Variants in LGSN observed in about 807,000 individuals in gnomAD.
LGSN encodes the protein lengsin, lens protein with glutamine synthetase domain.
Under a neutral mutation model 19.5 loss-of-function variants are expected in LGSN, and 21 were observed. The observed-to-expected ratio is 1.07, with a 90% CI of 0.76 to 1.55. The LOEUF is 1.55. Among genes scored for constraint, LGSN ranks in the 40% most tolerant of loss-of-function variants. The pLI, the probability that LGSN is intolerant of heterozygous loss-of-function variation, is 0.00. For missense variants in LGSN, 673 were observed against 608.5 expected, an observed-to-expected ratio of 1.11 and a Z score of -1.12; for synonymous variants, 257 against 215.6, an observed-to-expected ratio of 1.19 and a Z score of -1.68.
the LGSN span, among the ~76,000 whole-genome samples, chr6:63,333,565 GGA>G: frequency 5.8e-5 from 8 of 137,728 alleles, no homozygotes; most frequent in South Asian, 2.5e-4. Context: ...AAGGAAGGAA[GGA>G]GAGAGAGAGA....
the LGSN span, among the ~76,000 whole-genome samples, chr6:63,409,404 T>C: frequency 2.0e-4 from 31 of 152,232 alleles, no homozygotes; most frequent in Non-Finnish European, 3.5e-4. Flanking sequence ...TCAAGTATTT[T>C]AAGAAATTTT....
At chr6:63,355,358 T>C in the LGSN span, among the ~76,000 whole-genome samples, 24 of 152,348 alleles carry the variant, frequency 1.6e-4, no homozygotes, top group African/African-American at 5.1e-4. Flanking sequence ...GAAGAAAATG[T>C]ACTTTGTCTC....
the LGSN span, among the ~76,000 whole-genome samples, chr6:63,358,263 GCA>G: frequency 6.6e-6 from 1 of 152,226 alleles, no homozygotes; most frequent in African/African-American, 2.4e-5. Context: ...AAGTCAGGTA[GCA>G]TGATGCCTCC....
chr6:63,492,035 A>G, the LGSN span, among the ~76,000 whole-genome samples: 80,112 of 150,688 alleles, frequency 0.53, 23,003 homozygotes, highest in African/African-American at 0.76. Context: ...ATCTCAAAAA[A>G]AAAAAAAAAA....
At chr6:63,336,349 C>G in the LGSN span, among the ~76,000 whole-genome samples, 1 of 151,876 alleles carries the variant, frequency 6.6e-6, no homozygotes, top group Admixed American at 6.6e-5. Flanking sequence ...CACATGTAGC[C>G]TATAAATATG....
At chr6:63,450,193 C>CA in the LGSN span, among the ~76,000 whole-genome samples, 696 of 94,732 alleles carry the variant, frequency 7.3e-3, 12 homozygotes, top group Middle Eastern at 0.031. Context: ...CTAAAAAATG[C>CA]AAAAAAAAAA....
the LGSN span, among the ~76,000 whole-genome samples, chr6:63,434,163 G>C: frequency 5.3e-5 from 8 of 152,168 alleles, no homozygotes; most frequent in Non-Finnish European, 1.0e-4. Flanking sequence ...ACCTGGCTGG[G>C]CGCAGTGGCT....
intron 1 of LGSN, among the ~76,000 whole-genome samples, chr6:63,304,395 C>G (rs1768299416): frequency 1.3e-5 from 2 of 152,162 alleles, no homozygotes; most frequent in Admixed American, 1.3e-4. Flanking sequence ...GGCTGTGCAG[C>G]AGACTTCTTT....
the LGSN span, among the ~76,000 whole-genome samples, chr6:63,516,024 C>A: frequency 6.6e-6 from 1 of 152,060 alleles, no homozygotes; most frequent in East Asian, 1.9e-4. Context: ...TGGATTTTTC[C>A]TACAGTAAAT....
the LGSN span, among the ~76,000 whole-genome samples, chr6:63,493,925 G>A: frequency 6.6e-6 from 1 of 150,826 alleles, no homozygotes; most frequent in African/African-American, 2.4e-5. Flanking sequence ...GGTGCCCTTG[G>A]AACAGAAAGA....
the LGSN span, among the ~76,000 whole-genome samples, chr6:63,418,543 G>A: frequency 6.6e-6 from 1 of 151,936 alleles, no homozygotes; most frequent in Non-Finnish European, 1.5e-5. Flanking sequence ...CCTGGCGACA[G>A]AGCGAGACTC....
the LGSN span, among the ~76,000 whole-genome samples, chr6:63,511,605 G>C: frequency 2.0e-5 from 3 of 151,942 alleles, no homozygotes; most frequent in Admixed American, 2.0e-4. Context: ...TCATTACCTG[G>C]GCATTTTTAA....
the LGSN span, among the ~76,000 whole-genome samples, chr6:63,467,587 G>A: frequency 2.7e-4 from 41 of 152,288 alleles, no homozygotes; most frequent in African/African-American, 8.9e-4. Flanking sequence ...GCACATGGAC[G>A]TTTCTCTGTG....
the LGSN span, among the ~76,000 whole-genome samples, chr6:63,410,500 A>G: frequency 1.3e-5 from 2 of 152,222 alleles, no homozygotes; most frequent in African/African-American, 4.8e-5. Context: ...TCTTATTCAG[A>G]TCAATATATA....
the LGSN span, among the ~76,000 whole-genome samples, chr6:63,435,513 C>T: frequency 6.6e-6 from 1 of 151,974 alleles, no homozygotes; most frequent in Admixed American, 6.6e-5. Flanking sequence ...CCACCTTTGC[C>T]CCTCACCCAC....
At chr6:63,532,045 C>G in the LGSN span, among the ~76,000 whole-genome samples, 1 of 152,158 alleles carries the variant, frequency 6.6e-6, no homozygotes, top group African/African-American at 2.4e-5. Flanking sequence ...GTGATACACC[C>G]ACCTCGGCCT....
At chr6:63,393,673 G>T in the LGSN span, among the ~76,000 whole-genome samples, 1 of 152,086 alleles carries the variant, frequency 6.6e-6, no homozygotes, top group Non-Finnish European at 1.5e-5. Flanking sequence ...TATAAAATCT[G>T]GCCCATCCAC....
At chr6:63,561,050 C>T in the LGSN span, among the ~76,000 whole-genome samples, 11 of 152,092 alleles carry the variant, frequency 7.2e-5, no homozygotes, top group African/African-American at 1.4e-4. Context: ...GATCAGAACA[C>T]GTAGGAAGCC....
the LGSN span, among the ~76,000 whole-genome samples, chr6:63,535,683 T>C: frequency 1.8e-4 from 27 of 152,178 alleles, no homozygotes; most frequent in African/African-American, 6.3e-4. Flanking sequence ...AACACATTTA[T>C]AGTAGTTTTG....
Sources: allele counts gnomAD v4.1 joint callset (sites outside exome capture counted in the v4.1 genomes callset), GRCh38; gene constraint gnomAD v4.1.1; transcripts MANE v1.5; gene names NCBI Gene and HGNC (gene_info 2026-07-23, HGNC 2026-07-21).